The following LAMC1 variants were observed in gnomAD, a reference collection of about 807,000 sequenced individuals.
LAMC1 encodes laminin subunit gamma 1, also known as laminin subunit gamma-1.
A neutral mutation model predicts 173.6 loss-of-function variants in LAMC1; 38 were observed. The observed-to-expected ratio is 0.22, with a 90% CI of 0.17 to 0.29. LAMC1 has a LOEUF of 0.29. LAMC1 is among the 10% of genes least tolerant of loss of function. The pLI is 1.00. For synonymous variants in LAMC1, 746 were observed against 749.1 expected, an observed-to-expected ratio of 1.00 and a Z score of 0.07; for missense variants, 1,824 against 2,051.8, an observed-to-expected ratio of 0.89 and a Z score of 2.14.
At chr1:183,104,825 G>A (rs951678714) in intron 2 of LAMC1, among the ~76,000 whole-genome samples, 2 of 152,174 alleles carry the variant, frequency 1.3e-5, no homozygotes. Flanking sequence ...CAATGAGTGT[G>A]CTTGCCAACA....
intron 1 of LAMC1, among the ~76,000 whole-genome samples, chr1:183,077,983 C>T (rs1452573488): frequency 6.6e-6 from 1 of 151,292 alleles, no homozygotes; most frequent in Admixed American, 6.6e-5. Flanking sequence ...TTTTCTTATC[C>T]CTTAAAAGTT....
intron 1 of LAMC1, among the ~76,000 whole-genome samples, chr1:183,076,748 A>C (rs1427772150): frequency 6.6e-6 from 1 of 152,172 alleles, no homozygotes; most frequent in Non-Finnish European, 1.5e-5. Flanking sequence ...CATCATGTGG[A>C]TATACTGTCT....
At chr1:183,133,367 A>C in intron 21 of LAMC1, 39 bp from the exon 22 acceptor site, 1 of 1,573,080 alleles carries the variant, frequency 6.4e-7, no homozygotes, top group Non-Finnish European at 8.7e-7. Context: ...TGCTAAAAGC[A>C]GCTAAGATTG....
At chr1:183,135,216 T>C (rs373870983) in intron 24 of LAMC1, 60 bp downstream of exon 24, 1 of 888,002 alleles carries the variant, frequency 1.1e-6, no homozygotes, top group Non-Finnish European at 1.8e-6. Context: ...TTTTTTTTTT[T>C]AATCATGACT....
At chr1:183,041,805 C>T (rs182232816) in intron 1 of LAMC1, among the ~76,000 whole-genome samples, 21 of 152,238 alleles carry the variant, frequency 1.4e-4, no homozygotes, top group Middle Eastern at 3.4e-3. Flanking sequence ...CCCTAGTGTA[C>T]GGCATAATAC....
chr1:183,025,008 G>C (rs549629738), intron 1 of LAMC1, among the ~76,000 whole-genome samples: 1 of 152,344 alleles, frequency 6.6e-6, no homozygotes, highest in African/African-American at 2.4e-5. Context: ...TCATCATTGA[G>C]ATACGTAAAT....
chr1:183,024,286 A>G (rs1310959627), intron 1 of LAMC1, 152 bp downstream of exon 1: 2 of 715,646 alleles, frequency 2.8e-6, no homozygotes, highest in East Asian at 2.7e-5. Flanking sequence ...CCTTTCTCCA[A>G]CTTCTTAAAT....
chr1:183,077,776 G>GTGTGTGTGTGTGTA, intron 1 of LAMC1, among the ~76,000 whole-genome samples: 3 of 116,558 alleles, frequency 2.6e-5, no homozygotes, highest in East Asian at 5.4e-4. Flanking sequence ...TGGCCATTGT[G>GTGTGTGTGTGTGTA]TATATATATA....
intron 1 of LAMC1, among the ~76,000 whole-genome samples, chr1:183,044,835 T>C (rs1654224550): frequency 6.6e-6 from 1 of 152,066 alleles, no homozygotes; most frequent in Non-Finnish European, 1.5e-5. Context: ...AATACCTTTC[T>C]TTTTTTAGGG....
intron 1 of LAMC1, among the ~76,000 whole-genome samples, chr1:183,097,053 G>A (rs1257439668): frequency 4.6e-5 from 7 of 152,156 alleles, no homozygotes; most frequent in Non-Finnish European, 8.8e-5. Context: ...TTGGCCTTGG[G>A]TCGTCTTAAT....
At position 183,057,618 on chromosome 1, in the gene LAMC1, G is replaced by A. The variant is rs576755749; in HGVS notation, c.418+33484G>A. Among the ~76,000 whole-genome samples the A allele has an allele frequency of 1.5e-4, 23 of 152,162 alleles. 1 individual carries two copies. The South Asian group carries it at 2.1e-3, about 14-fold the overall frequency. ...TCCACTAAAAATACAAAAATTAGCC[G>A]GGCATGATGGTGGGCGCCTGTAATC... On this transcript the variant is annotated intron_variant, in intron 1 of 27. Transcript: ENST00000258341.
rs758312415 is a variant in LAMC1, at chr1:183,103,517, C to A, written c.608C>A (p.Ala203Asp). The change falls in exon 2 of 28, where the codon GCC becomes GAC. Residue 203 changes from alanine (A) to aspartate (D), a missense_variant. Ala to Asp is a moderately radical substitution (Grantham distance 126). Coordinates refer to ENST00000258341, the MANE Select transcript of LAMC1 (RefSeq NM_002293.4). Reference protein sequence around the residue: ...FIRTGGDEQQALCTDEFSDIS... With the variant: ...FIRTGGDEQQDLCTDEFSDIS... ...AGGACAGGAGGGGACGAGCAGCAGG[C>A]CTTGTGTACTGATGAATTCAGTGAC... 4 of 1,614,148 alleles carry A rather than the reference C, an allele frequency of 2.5e-6. No individual in the cohort carries two copies. In the South Asian group the frequency reaches 4.4e-5, roughly 18 times the overall value.
At chr1:183,104,666 CTCTT>C (rs1281687177) in intron 2 of LAMC1, among the ~76,000 whole-genome samples, 1 of 152,160 alleles carries the variant, frequency 6.6e-6, no homozygotes, top group Non-Finnish European at 1.5e-5. Flanking sequence ...TTCAGGGACT[CTCTT>C]TCTAATTGTA....
At chr1:183,033,626 G>A (rs563307452) in intron 1 of LAMC1, among the ~76,000 whole-genome samples, 83 of 152,268 alleles carry the variant, frequency 5.5e-4, no homozygotes, top group Admixed American at 1.0e-3. Flanking sequence ...CTAGGTAATG[G>A]CTTTCTCTTA....
chr1:183,067,654 A>ATT (rs142154135), intron 1 of LAMC1, among the ~76,000 whole-genome samples: 6 of 150,790 alleles, frequency 4.0e-5, no homozygotes, highest in Admixed American at 2.6e-4. Context: ...ACATCCAGCT[A>ATT]TTTTTTTTTG....
At chr1:183,113,147 C>CA (rs1274337623) in intron 4 of LAMC1, among the ~76,000 whole-genome samples, 1 of 152,046 alleles carries the variant, frequency 6.6e-6, no homozygotes, top group Admixed American at 6.5e-5. Context: ...CTTGTCTCTG[C>CA]AAAAAATTTT....
intron 1 of LAMC1, among the ~76,000 whole-genome samples, chr1:183,039,898 A>C (rs1431465662): frequency 6.6e-6 from 1 of 152,178 alleles, no homozygotes; most frequent in Non-Finnish European, 1.5e-5. Context: ...GGGGAAAGGT[A>C]GGTATCTGCT....
At chr1:183,076,741 CA>C (rs1655128135) in intron 1 of LAMC1, among the ~76,000 whole-genome samples, 1 of 152,216 alleles carries the variant, frequency 6.6e-6, no homozygotes, top group Non-Finnish European at 1.5e-5. Context: ...GCCAGTCCAT[CA>C]TGTGGATATA....
intron 1 of LAMC1, among the ~76,000 whole-genome samples, chr1:183,089,145 C>CA (rs1413249081): frequency 2.0e-5 from 3 of 152,122 alleles, no homozygotes; most frequent in Admixed American, 2.0e-4. Flanking sequence ...GGCATCAGAT[C>CA]AAAGAGAGCC....
Sources: allele counts gnomAD v4.1 joint callset (sites outside exome capture counted in the v4.1 genomes callset), GRCh38; gene constraint gnomAD v4.1.1; transcripts MANE v1.5; gene names NCBI Gene and HGNC (gene_info 2026-07-23, HGNC 2026-07-21).